Variants in SUN3 observed in about 807,000 individuals in gnomAD.
The protein encoded by SUN3 is Sad1 and UNC84 domain containing 3.
A neutral mutation model predicts 48.2 loss-of-function variants in SUN3; 36 were observed. The observed-to-expected ratio is 0.75, with a 90% CI of 0.57 to 0.99. The LOEUF (loss-of-function observed/expected upper bound fraction) is 0.99, where lower values mean the gene tolerates loss of function less well. SUN3 is among the 50% of genes least tolerant of loss of function. The pLI is 0.00. For synonymous variants in SUN3, 148 were observed against 147.9 expected, an observed-to-expected ratio of 1.00 and a Z score of 0.00; for missense variants, 419 against 433.1, an observed-to-expected ratio of 0.97 and a Z score of 0.29.
chr7:48,023,166 AG>A (rs1271076588), intron 2 of SUN3, among the ~76,000 whole-genome samples: 1 of 152,160 alleles, frequency 6.6e-6, no homozygotes, highest in Non-Finnish European at 1.5e-5. Flanking sequence ...ATAATTTAAA[AG>A]ACAAATTTAT....
Position 48,006,008 on chromosome 7 carries a change from C to T in SUN3, c.538G>A (p.Asp180Asn), listed in dbSNP as rs181233090. ...GCATAATCAGCCATCTCGACTTGGTCTTCTCTCAACTTTTTAAGTACATAA... is the reference window on the plus strand; with the variant it reads ...GCATAATCAGCCATCTCGACTTGGTTTTCTCTCAACTTTTTAAGTACATAA... ...VNYVLKKLRE[D>N]QVEMADYALK... The change falls in exon 6 of 10, where the codon GAC (aspartate) becomes AAC (asparagine). Residue 180 changes from aspartate to asparagine, a missense_variant. By Grantham distance (23) the Asp-to-Asn change is conservative. Coordinates refer to ENST00000297325, the MANE Select transcript of SUN3 (RefSeq NM_001030019.2). 4.3e-5 allele frequency: 70 copies of T among 1,613,012 alleles called. 1 individual carries two copies. In the East Asian group the frequency reaches 1.2e-3, roughly 27 times the overall value.
chr7:48,021,998 G>T (rs994488318), intron 2 of SUN3, among the ~76,000 whole-genome samples: 11 of 152,136 alleles, frequency 7.2e-5, no homozygotes, highest in African/African-American at 2.7e-4. Flanking sequence ...GTTCACAATA[G>T]CTAAGATTTG....
At chr7:48,010,251 G>C (rs1381291007) in intron 3 of SUN3, among the ~76,000 whole-genome samples, 1 of 152,140 alleles carries the variant, frequency 6.6e-6, no homozygotes, top group African/African-American at 2.4e-5. Flanking sequence ...AGAGAAAGGA[G>C]GGCAAAAGAG....
chr7:48,015,293 T>G (rs1789781443), intron 3 of SUN3, among the ~76,000 whole-genome samples: 1 of 152,200 alleles, frequency 6.6e-6, no homozygotes, highest in African/African-American at 2.4e-5. Flanking sequence ...ACCCTCTCTG[T>G]GGGGTTTCCA....
At position 48,007,330 on chromosome 7, in the gene SUN3, G is replaced by A. The variant is rs376354129; in HGVS notation, c.330-3C>T. 10 of 1,612,536 alleles carry A rather than the reference G, an allele frequency of 6.2e-6. No individual in the cohort carries two copies. The African/African-American group carries it at 1.1e-4, about 17-fold the overall frequency. ...TTTCCAGATTCTGGCTTTCCTTCCT[G>A]TAAAGGGAAAATCTCAGCATGAGAG... On this transcript the variant is annotated splice_polypyrimidine_tract_variant and splice_region_variant and intron_variant, in intron 4 of 9. Transcript: ENST00000297325.
intron 1 of SUN3, among the ~76,000 whole-genome samples, chr7:48,026,969 T>A (rs1283698011): frequency 6.6e-6 from 1 of 152,158 alleles, no homozygotes; most frequent in Non-Finnish European, 1.5e-5. Flanking sequence ...ACCAAGCCCA[T>A]CAGAAGCCCA....
At chr7:48,004,700 T>C (rs1037789131) in intron 6 of SUN3, among the ~76,000 whole-genome samples, 1 of 152,258 alleles carries the variant, frequency 6.6e-6, no homozygotes. Context: ...AAAATTGGGC[T>C]TCTTTCACAG....
upstream of SUN3, among the ~76,000 whole-genome samples, chr7:48,032,604 T>C (rs1031234591): frequency 9.9e-5 from 15 of 152,258 alleles, no homozygotes; most frequent in Admixed American, 8.5e-4. Flanking sequence ...TACATAAATA[T>C]ATATCAAAAA....
At chr7:48,008,672 G>A (rs897116560) in intron 4 of SUN3, among the ~76,000 whole-genome samples, 2 of 152,184 alleles carry the variant, frequency 1.3e-5, no homozygotes, top group Non-Finnish European at 2.9e-5. Flanking sequence ...TTTAAATTAT[G>A]TATATGCACA....
Position 48,017,325 on chromosome 7 carries a change from A to G in SUN3, c.225T>C (p.Pro75=). ...NHQWLKETDV[P]QKSRQLYAII... is the part of the protein sequence containing the mutation. ...TGGCATATAATTGTCTGGATTTCTG[A>G]GGAACATCTGTTTCTTTAAGCCACT... The change falls in exon 3 of 10, where the codon CCT becomes CCC. Residue 75 remains proline, a synonymous_variant. Transcript: ENST00000297325. 6.2e-7 allele frequency: 1 copy of G among 1,610,362 alleles called. No homozygotes were observed. Among genetic ancestry groups the G allele is most frequent in the Non-Finnish European group, 8.5e-7 (1 of 1,177,764 alleles).
chr7:48,027,034 G>T (rs1790156391), intron 1 of SUN3, among the ~76,000 whole-genome samples: 1 of 152,076 alleles, frequency 6.6e-6, no homozygotes, highest in South Asian at 2.1e-4. Context: ...CTGCTCTCCT[G>T]AGCTCTATCC....
rs534809257 is a variant in SUN3, at chr7:48,012,317, C to A, written c.289-3242G>T. Among the ~76,000 whole-genome samples the A allele has an allele frequency of 2.0e-5, 3 of 152,116 alleles. No individual in the cohort carries two copies. In the East Asian group the frequency reaches 5.8e-4, roughly 29 times the overall value. On this transcript the variant is annotated intron_variant, in intron 3 of 9. Transcript: ENST00000297325. Reference sequence around the variant, plus strand: ...TGTCAATTTACAGCCTCCTGAGACACGAAGGCGTCAGGTAGAGGCTGGCAA... The same window carrying A: ...TGTCAATTTACAGCCTCCTGAGACAAGAAGGCGTCAGGTAGAGGCTGGCAA...
chr7:48,035,656 A>G, the SUN3 span: 1 of 651,248 alleles, frequency 1.5e-6, no homozygotes, highest in Non-Finnish European at 2.8e-6. This position sits in a 1 kb window ranked among gnomAD's most constrained non-coding sequence, Gnocchi z 4.0. Flanking sequence ...CTGGAGGACA[A>G]TGGGGGCGCC....
At chr7:48,029,548 G>A (rs1211089891), upstream of SUN3, among the ~76,000 whole-genome samples, 2 of 152,102 alleles carry the variant, frequency 1.3e-5, no homozygotes, top group East Asian at 1.9e-4. Flanking sequence ...TTTATCTTGA[G>A]ACATTAACTC....
intron 5 of SUN3, among the ~76,000 whole-genome samples, chr7:48,006,810 A>G (rs1356922234): frequency 6.6e-6 from 1 of 152,236 alleles, no homozygotes; most frequent in Non-Finnish European, 1.5e-5. Flanking sequence ...TGCTGTCTAG[A>G]CTAACTACAT....
chr7:48,000,912 G>A (rs769847864), intron 6 of SUN3, among the ~76,000 whole-genome samples: 1 of 145,918 alleles, frequency 6.9e-6, no homozygotes, highest in Admixed American at 6.9e-5. Flanking sequence ...TAGCTATTAC[G>A]TCTTTAGATA....
At chr7:47,992,683 G>A (rs181663121) in intron 8 of SUN3, among the ~76,000 whole-genome samples, 2 of 151,764 alleles carry the variant, frequency 1.3e-5, no homozygotes, top group Admixed American at 6.6e-5. Context: ...GGCGCCAGAG[G>A]GATATCTTGG....
At chr7:47,997,151 T>A (rs1445155914) in intron 6 of SUN3, among the ~76,000 whole-genome samples, 1 of 152,204 alleles carries the variant, frequency 6.6e-6, no homozygotes, top group African/African-American at 2.4e-5. Context: ...AGTAATTGAG[T>A]TCCTAGAGTT....
At chr7:48,030,758 T>A (rs564242507), upstream of SUN3, among the ~76,000 whole-genome samples, 1 of 152,338 alleles carries the variant, frequency 6.6e-6, no homozygotes, top group Non-Finnish European at 1.5e-5. Flanking sequence ...TGAATATATC[T>A]TTAAGGATAT....
Sources: gnomAD v4.1 joint callset for allele counts (sites outside exome capture counted in the v4.1 genomes callset) on GRCh38, gnomAD v4.1.1 for gene constraint, Gnocchi (gnomAD v3.1) non-coding constraint, MANE v1.5 for transcripts, NCBI Gene and HGNC (gene_info 2026-07-23, HGNC 2026-07-21) for gene names.